Variants in SLC14A2 observed in about 807,000 individuals in gnomAD.
The protein encoded by SLC14A2 is urea transporter 2.
Under a neutral mutation model 104.6 loss-of-function variants are expected in SLC14A2, and 91 were observed. That is an observed-to-expected ratio of 0.87 (90% CI 0.73 to 1.04). The LOEUF (loss-of-function observed/expected upper bound fraction) is 1.04, where lower values mean the gene tolerates loss of function less well. Among genes scored for constraint, SLC14A2 ranks in the 50% least tolerant of loss-of-function variants. SLC14A2 has a pLI of 0.00. For missense variants in SLC14A2, 1,189 were observed against 1,156.0 expected, an observed-to-expected ratio of 1.03 and a Z score of -0.41; for synonymous variants, 476 against 466.4, an observed-to-expected ratio of 1.02 and a Z score of -0.27.
intron 2 of SLC14A2, among the ~76,000 whole-genome samples, chr18:45,570,647 C>G (rs1273745260): frequency 6.6e-6 from 1 of 152,226 alleles, no homozygotes. Flanking sequence ...TATCCTCTGT[C>G]CTCCCATCCA....
rs970878811 is a variant in SLC14A2 at position 45,410,845 on chromosome 18, A to G, written c.-124-72388A>G. On this transcript the variant is annotated intron_variant, in intron 1 of 20. Transcript: ENST00000586448. ...ACTTCCTCGCTTAAGAAAACCTCCC[A>G]GTGCCCTTTCTCTGTAGATCTGTAG... Among the ~76,000 whole-genome samples, 23 of 152,212 alleles carry G rather than the reference A, an allele frequency of 1.5e-4. 1 individual carries two copies. Among genetic ancestry groups the G allele is most frequent in the Non-Finnish European group, 1.5e-5 (1 of 68,038 alleles).
intron 1 of SLC14A2, among the ~76,000 whole-genome samples, chr18:45,340,277 G>T (rs1179069004): frequency 1.3e-5 from 2 of 152,188 alleles, no homozygotes; most frequent in African/African-American, 4.8e-5. Flanking sequence ...GCAACCTTGG[G>T]CAGTTACTTA....
chr18:45,359,281 T>C (rs1204714465), intron 1 of SLC14A2, among the ~76,000 whole-genome samples: 1 of 152,092 alleles, frequency 6.6e-6, no homozygotes, highest in African/African-American at 2.4e-5. Context: ...AGAAGAGAGT[T>C]TGGGGTCAGA....
chr18:45,649,673 C>A (rs1411920229), intron 10 of SLC14A2, among the ~76,000 whole-genome samples: 1 of 152,202 alleles, frequency 6.6e-6, no homozygotes, highest in Non-Finnish European at 1.5e-5. Flanking sequence ...TGACCCTTTG[C>A]ATGTCCACAG....
At chr18:45,361,017 G>A (rs2085605006) in intron 1 of SLC14A2, among the ~76,000 whole-genome samples, 1 of 152,058 alleles carries the variant, frequency 6.6e-6, no homozygotes, top group African/African-American at 2.4e-5. Context: ...GAAATAAAAT[G>A]CAATGGACAG....
chr18:45,414,757 A>AATATATATATATAT (rs71177674), intron 1 of SLC14A2, among the ~76,000 whole-genome samples: 23 of 76,060 alleles, frequency 3.0e-4, no homozygotes, highest in South Asian at 7.5e-4. Context: ...AAAAAAAAAA[A>AATATATATATATAT]ATATATATAT....
chr18:45,621,747 T>C (rs2045174574), intron 1 of SLC14A2, among the ~76,000 whole-genome samples: 1 of 152,128 alleles, frequency 6.6e-6, no homozygotes, highest in African/African-American at 2.4e-5. Flanking sequence ...CAAATAAATA[T>C]ACAAATCTGC....
chr18:45,456,798 G>A (rs1364156450), intron 1 of SLC14A2, among the ~76,000 whole-genome samples: 2 of 142,520 alleles, frequency 1.4e-5, no homozygotes, highest in Admixed American at 7.0e-5. Context: ...CTTATTTTCT[G>A]GGCAAAAAGC....
chr18:45,339,135 T>C (rs1241265694), intron 1 of SLC14A2, among the ~76,000 whole-genome samples: 1 of 152,164 alleles, frequency 6.6e-6, no homozygotes, highest in African/African-American at 2.4e-5. Flanking sequence ...TATTTGTTTG[T>C]TTGTTTTTAG....
chr18:45,500,075 C>T (rs987588087), intron 2 of SLC14A2, among the ~76,000 whole-genome samples: 6 of 152,104 alleles, frequency 3.9e-5, no homozygotes, highest in African/African-American at 1.4e-4. Context: ...TAAGAAGCCG[C>T]AAATAAATTG....
intron 1 of SLC14A2, among the ~76,000 whole-genome samples, chr18:45,468,908 C>G (rs1235086755): frequency 6.6e-6 from 1 of 152,164 alleles, no homozygotes; most frequent in African/African-American, 2.4e-5. Flanking sequence ...CCTGAGGTGT[C>G]AAGTGTATCT....
intron 1 of SLC14A2, among the ~76,000 whole-genome samples, chr18:45,261,120 G>A (rs746647114): frequency 1.7e-4 from 26 of 151,302 alleles, no homozygotes; most frequent in Non-Finnish European, 2.9e-4. Context: ...CCATTAACTC[G>A]TCATTTAACA....
chr18:45,301,652 C>A (rs1380062660), intron 1 of SLC14A2, among the ~76,000 whole-genome samples: 1 of 152,242 alleles, frequency 6.6e-6, no homozygotes, highest in Non-Finnish European at 1.5e-5. Context: ...GCAATTCAAT[C>A]AAACTGGCTT....
intron 1 of SLC14A2, among the ~76,000 whole-genome samples, chr18:45,233,120 T>C (rs553961303): frequency 2.6e-4 from 39 of 152,302 alleles, no homozygotes; most frequent in African/African-American, 9.1e-4. Context: ...CTTTCTAACA[T>C]TGTGAATGGT....
At chr18:45,280,064 A>G (rs1334112781) in intron 1 of SLC14A2, among the ~76,000 whole-genome samples, 2 of 152,166 alleles carry the variant, frequency 1.3e-5, no homozygotes, top group Non-Finnish European at 2.9e-5. Flanking sequence ...GTGCTGATCT[A>G]TTTCTAACAA....
the SLC14A2 span, among the ~76,000 whole-genome samples, chr18:45,207,489 A>G: frequency 6.6e-6 from 1 of 151,918 alleles, no homozygotes; most frequent in Non-Finnish European, 1.5e-5. Flanking sequence ...AGGGGAGGGG[A>G]AAAATAAACC....
At chr18:45,419,034 A>T (rs2086309547) in intron 1 of SLC14A2, among the ~76,000 whole-genome samples, 1 of 152,196 alleles carries the variant, frequency 6.6e-6, no homozygotes, top group African/African-American at 2.4e-5. Flanking sequence ...GAGTCTCTTC[A>T]TTTGATTTCT....
chr18:45,272,404 G>T (rs943222719), intron 1 of SLC14A2, among the ~76,000 whole-genome samples: 1 of 152,024 alleles, frequency 6.6e-6, no homozygotes, highest in Non-Finnish European at 1.5e-5. Flanking sequence ...TGGAACTGGA[G>T]ATCAATATAT....
intron 12 of SLC14A2, 68 bp from the exon 13 acceptor site, chr18:45,666,867 C>G: frequency 1.4e-6 from 2 of 1,390,534 alleles, no homozygotes; most frequent in Non-Finnish European, 2.0e-6. Context: ...TGAGTGACCA[C>G]AAACATGAAT....
Sources: gnomAD v4.1 joint callset for allele counts (sites outside exome capture counted in the v4.1 genomes callset) on GRCh38, gnomAD v4.1.1 for gene constraint, MANE v1.5 for transcripts, NCBI Gene and HGNC (gene_info 2026-07-23, HGNC 2026-07-21) for gene names.